Variants in PDE1A observed in about 807,000 individuals in gnomAD.
The protein encoded by PDE1A is phosphodiesterase 1A.
Under a neutral mutation model 61.7 loss-of-function variants are expected in PDE1A, and 35 were observed. The observed-to-expected ratio is 0.57, with a 90% CI of 0.43 to 0.75. The LOEUF (loss-of-function observed/expected upper bound fraction) is 0.75. Among genes scored for constraint, PDE1A ranks in the 30% least tolerant of loss-of-function variants. The pLI is 0.00. For synonymous variants in PDE1A, 232 were observed against 213.2 expected (o/e 1.09, Z -0.77); for missense variants, 597 against 630.6 (o/e 0.95, Z 0.57).
Position 182,206,068 on chromosome 2 carries a change from A to C in PDE1A, c.777-3T>G, listed in dbSNP as rs1687074870. On this transcript the variant is annotated splice_region_variant and splice_polypyrimidine_tract_variant and intron_variant, in intron 7 of 13. Coordinates refer to ENST00000351439, the Ensembl canonical transcript of PDE1A. ...TATACAAAATGGCAACATCTGACCT[A>C]AGAATTAAAAACAAAATGCCCAACA... is the stretch of plus-strand genomic sequence containing the variant. 6.3e-7 allele frequency: 1 copy of C among 1,599,178 alleles called. No individual in the cohort carries two copies. The highest frequency in any genetic ancestry group is 8.5e-7 in the Non-Finnish European group (1 of 1,173,042).
At chr2:182,574,453 G>A in the PDE1A span, among the ~76,000 whole-genome samples, 10 of 152,002 alleles carry the variant, frequency 6.6e-5, no homozygotes, top group South Asian at 4.1e-4. Flanking sequence ...AGACAATAAT[G>A]TCATAATTAC....
intron 5 of PDE1A, among the ~76,000 whole-genome samples, chr2:182,230,530 C>T (rs1171169560): frequency 6.6e-6 from 1 of 152,096 alleles, no homozygotes; most frequent in East Asian, 1.9e-4. Flanking sequence ...TACTTTATAG[C>T]TCTAAAAATG....
intron 2 of PDE1A, among the ~76,000 whole-genome samples, chr2:182,456,837 A>G (rs1685952008): frequency 6.6e-6 from 1 of 152,100 alleles, no homozygotes; most frequent in Non-Finnish European, 1.5e-5. Context: ...ATTAGTCTCT[A>G]TGCTCCAATT....
chr2:182,326,354 C>T (rs1401845879), intron 1 of PDE1A, among the ~76,000 whole-genome samples: 2 of 152,110 alleles, frequency 1.3e-5, no homozygotes, highest in Non-Finnish European at 2.9e-5. Context: ...CAAAGTATGA[C>T]ATATGCATAC....
chr2:182,557,195 G>C, the PDE1A span, among the ~76,000 whole-genome samples: 4 of 152,164 alleles, frequency 2.6e-5, no homozygotes, highest in African/African-American at 7.2e-5. Flanking sequence ...GCAGTGAGTG[G>C]AGATTGCACC....
chr2:182,357,534 G>C (rs761163209), intron 1 of PDE1A, among the ~76,000 whole-genome samples: 1 of 152,102 alleles, frequency 6.6e-6, no homozygotes, highest in African/African-American at 2.4e-5. Context: ...GCTGTACTTG[G>C]TTATTTTACT....
At chr2:182,581,975 A>G in the PDE1A span, among the ~76,000 whole-genome samples, 1 of 152,222 alleles carries the variant, frequency 6.6e-6, no homozygotes, top group Non-Finnish European at 1.5e-5. Flanking sequence ...TGCTCCAGGT[A>G]AAACTAAAAA....
At chr2:182,458,022 T>C (rs895572470) in intron 2 of PDE1A, among the ~76,000 whole-genome samples, 1 of 152,026 alleles carries the variant, frequency 6.6e-6, no homozygotes, top group Non-Finnish European at 1.5e-5. Context: ...CACTCCTCTA[T>C]AAAGCATCAA....
At chr2:182,150,827 G>C (rs1690739116) in intron 13 of PDE1A, among the ~76,000 whole-genome samples, 1 of 152,124 alleles carries the variant, frequency 6.6e-6, no homozygotes, top group Non-Finnish European at 1.5e-5. Context: ...TACCATATTA[G>C]AATCATAATG....
At chr2:182,715,279 G>T in the PDE1A span, among the ~76,000 whole-genome samples, 1 of 152,106 alleles carries the variant, frequency 6.6e-6, no homozygotes, top group South Asian at 2.1e-4. Flanking sequence ...TTATTTGGAG[G>T]ACTAAATGAG....
At chr2:182,461,941 T>A (rs1247824867) in intron 2 of PDE1A, among the ~76,000 whole-genome samples, 1 of 152,160 alleles carries the variant, frequency 6.6e-6, no homozygotes, top group African/African-American at 2.4e-5. Context: ...AAATTTCTCT[T>A]GTGTCTTATA....
chr2:182,464,832 T>C (rs1037148003), intron 2 of PDE1A, among the ~76,000 whole-genome samples: 2 of 152,114 alleles, frequency 1.3e-5, no homozygotes, highest in South Asian at 2.1e-4. Flanking sequence ...ACCAGGGTGC[T>C]GAGACCACCA....
At chr2:182,690,619 C>G in the PDE1A span, among the ~76,000 whole-genome samples, 1 of 152,188 alleles carries the variant, frequency 6.6e-6, no homozygotes, top group Non-Finnish European at 1.5e-5. Flanking sequence ...AAAACTGGCA[C>G]AAGACAGGGA....
the PDE1A span, among the ~76,000 whole-genome samples, chr2:182,712,771 T>G: frequency 6.6e-6 from 1 of 152,138 alleles, no homozygotes. Flanking sequence ...TTAGCCAGGA[T>G]GGTCTCAATC....
intron 1 of PDE1A, among the ~76,000 whole-genome samples, chr2:182,364,466 T>TTAAAAAA (rs1699699627): frequency 2.8e-5 from 1 of 35,840 alleles, no homozygotes; most frequent in Non-Finnish European, 5.1e-5. Context: ...AACACTTTGG[T>TTAAAAAA]AAAAAAAAAA....
the PDE1A span, among the ~76,000 whole-genome samples, chr2:182,552,796 C>T: frequency 2.0e-5 from 3 of 152,204 alleles, no homozygotes; most frequent in Non-Finnish European, 4.4e-5. Flanking sequence ...GGACCCCCTC[C>T]CTTTGTATGG....
chr2:182,603,169 GGT>G, the PDE1A span, among the ~76,000 whole-genome samples: 1 of 152,072 alleles, frequency 6.6e-6, no homozygotes. Context: ...CTGTAACTTA[GGT>G]GTGTTCTTTT....
intron 1 of PDE1A, among the ~76,000 whole-genome samples, chr2:182,269,414 G>T (rs1377657639): frequency 6.6e-6 from 1 of 151,938 alleles, no homozygotes; most frequent in Non-Finnish European, 1.5e-5. Context: ...CTTGAACCCA[G>T]GAGGAGGAGG....
chr2:182,437,035 T>C (rs570483052), intron 2 of PDE1A, among the ~76,000 whole-genome samples: 1 of 152,126 alleles, frequency 6.6e-6, no homozygotes, highest in Non-Finnish European at 1.5e-5. Flanking sequence ...ATTTATCTGG[T>C]TTGGGTCAAT....
Sources: gnomAD v4.1 joint callset for allele counts (sites outside exome capture counted in the v4.1 genomes callset) on GRCh38, gnomAD v4.1.1 for gene constraint, MANE v1.5 for transcripts, NCBI Gene and HGNC (gene_info 2026-07-23, HGNC 2026-07-21) for gene names.